The following CDH12 variants were observed in gnomAD, a reference collection of about 807,000 sequenced individuals.
CDH12 encodes cadherin 12.
In CDH12, 41 loss-of-function variants were observed where a neutral mutation model predicts 74.1. The ratio of observed to expected loss-of-function variants is 0.55; its 90% CI spans 0.43 to 0.72. CDH12 has a LOEUF of 0.72. Among genes scored for constraint, CDH12 ranks in the 30% least tolerant of loss-of-function variants. The pLI is 0.00. For missense variants in CDH12, 945 were observed against 977.2 expected, an observed-to-expected ratio of 0.97 and a Z score of 0.44; for synonymous variants, 399 against 355.0, an observed-to-expected ratio of 1.12 and a Z score of -1.39.
intron 2 of CDH12, among the ~76,000 whole-genome samples, chr5:22,489,405 C>A (rs1001668445): frequency 2.6e-5 from 4 of 151,770 alleles, no homozygotes; most frequent in Non-Finnish European, 4.4e-5. Context: ...CACTTTCACA[C>A]CAACCTGTAA....
At chr5:22,693,828 T>G (rs1042840452) in intron 1 of CDH12, among the ~76,000 whole-genome samples, 2 of 152,150 alleles carry the variant, frequency 1.3e-5, no homozygotes, top group Non-Finnish European at 1.5e-5. Flanking sequence ...AAAATCCATT[T>G]TTAGACTATG....
chr5:21,786,257 G>T (rs1157232952), intron 10 of CDH12, among the ~76,000 whole-genome samples: 1 of 152,096 alleles, frequency 6.6e-6, no homozygotes, highest in Non-Finnish European at 1.5e-5. Flanking sequence ...AGGTTCAAGC[G>T]ATTCTCCTGC....
rs114906839 is a variant in CDH12 at position 22,109,585 on chromosome 5, C to A, written c.-186-30723G>T. Among the ~76,000 whole-genome samples, 802 of 152,342 alleles carry A rather than the reference C, an allele frequency of 5.3e-3. 7 individuals carry two copies. The highest frequency in any genetic ancestry group is 0.018 in the African/African-American group (756 of 41,592). On this transcript the variant is annotated intron_variant, in intron 4 of 14. Transcript: ENST00000382254. Reference sequence around the variant, plus strand: ...TGAACCCAGCATGCTAAGCTGTTAGCTCACAAGCAGGCTGACATCTTAAGC... The same window carrying A: ...TGAACCCAGCATGCTAAGCTGTTAGATCACAAGCAGGCTGACATCTTAAGC...
intron 5 of CDH12, among the ~76,000 whole-genome samples, chr5:22,072,441 C>G (rs1742005631): frequency 6.6e-6 from 1 of 151,934 alleles, no homozygotes; most frequent in Non-Finnish European, 1.5e-5. Context: ...ATCTCAGGTA[C>G]TTCCTCATTT....
chr5:22,045,758 G>A (rs954280344), intron 5 of CDH12, among the ~76,000 whole-genome samples: 9 of 152,122 alleles, frequency 5.9e-5, no homozygotes, highest in Non-Finnish European at 1.3e-4. Flanking sequence ...TCATGGAGGC[G>A]AAAGCAGAAA....
chr5:22,480,400 T>A (rs917820593), intron 2 of CDH12, among the ~76,000 whole-genome samples: 1 of 151,668 alleles, frequency 6.6e-6, no homozygotes, highest in South Asian at 2.1e-4. Flanking sequence ...CTGGGAAACA[T>A]GGTGAAACTT....
At chr5:22,214,506 C>T (rs1751723198) in intron 3 of CDH12, among the ~76,000 whole-genome samples, 1 of 152,080 alleles carries the variant, frequency 6.6e-6, no homozygotes, top group African/African-American at 2.4e-5. Flanking sequence ...TGAGAGGGTT[C>T]CAACTAGTCT....
intron 5 of CDH12, among the ~76,000 whole-genome samples, chr5:22,012,672 C>T (rs551881517): frequency 6.6e-6 from 1 of 151,136 alleles, no homozygotes; most frequent in South Asian, 2.1e-4. Flanking sequence ...AGTTATATAA[C>T]ATTCAAAAAT....
chr5:22,021,331 C>T (rs1323580514), intron 5 of CDH12, among the ~76,000 whole-genome samples: 3 of 152,054 alleles, frequency 2.0e-5, no homozygotes, highest in Admixed American at 6.6e-5. Flanking sequence ...AGATCTGTTC[C>T]ACCTGTATTA....
chr5:21,760,167 A>G (rs1048784696), intron 13 of CDH12, among the ~76,000 whole-genome samples: 1 of 152,006 alleles, frequency 6.6e-6, no homozygotes, highest in Non-Finnish European at 1.5e-5. Context: ...ACGTGTCTTT[A>G]TAATACCTGC....
intron 3 of CDH12, among the ~76,000 whole-genome samples, chr5:22,393,082 A>G (rs1426937565): frequency 3.3e-5 from 5 of 152,178 alleles, no homozygotes; most frequent in Admixed American, 3.3e-4. Flanking sequence ...TTCTTAGGGA[A>G]AACGTCTTCA....
At chr5:21,985,597 T>G (rs1757479398) in intron 5 of CDH12, among the ~76,000 whole-genome samples, 1 of 152,084 alleles carries the variant, frequency 6.6e-6, no homozygotes, top group Admixed American at 6.6e-5. Flanking sequence ...CAGGGTTTAC[T>G]CATTTAAACC....
chr5:22,372,322 A>G (rs1561352936), intron 3 of CDH12, among the ~76,000 whole-genome samples: 2 of 152,224 alleles, frequency 1.3e-5, no homozygotes, highest in East Asian at 1.9e-4. Flanking sequence ...AGGAGAGGGA[A>G]CCAGGCAGCC....
At chr5:22,306,381 GGAGA>G (rs35900801) in intron 3 of CDH12, among the ~76,000 whole-genome samples, 13 of 150,236 alleles carry the variant, frequency 8.7e-5, no homozygotes, top group Non-Finnish European at 1.5e-4. Flanking sequence ...GGGAGGGAAG[GGAGA>G]GAGAGAGAGA....
chr5:21,979,106 G>A (rs1404016560), intron 5 of CDH12, among the ~76,000 whole-genome samples: 4 of 151,990 alleles, frequency 2.6e-5, no homozygotes, highest in Non-Finnish European at 4.4e-5. Flanking sequence ...CTACACATAC[G>A]GCAAGCTAAT....
chr5:22,184,405 G>A (rs919680552), intron 4 of CDH12, among the ~76,000 whole-genome samples: 6 of 152,256 alleles, frequency 3.9e-5, no homozygotes, highest in South Asian at 4.1e-4. Flanking sequence ...CTGAGGCAAA[G>A]TTAAGGCAAA....
intron 5 of CDH12, among the ~76,000 whole-genome samples, chr5:22,073,164 G>A (rs996100585): frequency 6.6e-6 from 1 of 152,090 alleles, no homozygotes; most frequent in Non-Finnish European, 1.5e-5. Context: ...TACTGTCTCA[G>A]TTGTAATGCA....
At chr5:21,894,021 A>T (rs776993557) in intron 6 of CDH12, among the ~76,000 whole-genome samples, 6 of 152,180 alleles carry the variant, frequency 3.9e-5, no homozygotes, top group Non-Finnish European at 8.8e-5. Flanking sequence ...TGCTAGTCCA[A>T]AGAGATGAGT....
At chr5:22,351,582 T>C (rs557429065) in intron 3 of CDH12, among the ~76,000 whole-genome samples, 2 of 152,362 alleles carry the variant, frequency 1.3e-5, no homozygotes, top group Admixed American at 6.5e-5. Flanking sequence ...GATGCTATTA[T>C]AGTTTCTAAA....
Sources: allele counts gnomAD v4.1 joint callset (sites outside exome capture counted in the v4.1 genomes callset), GRCh38; gene constraint gnomAD v4.1.1; transcripts MANE v1.5; gene names NCBI Gene and HGNC (gene_info 2026-07-23, HGNC 2026-07-21).